The following RPL12 variants were observed in gnomAD, a reference collection of about 807,000 sequenced individuals.
RPL12 encodes ribosomal protein L12.
Under a neutral mutation model 24.5 loss-of-function variants are expected in RPL12, and 10 were observed. The observed-to-expected ratio is 0.41, with a 90% CI of 0.25 to 0.69. The LOEUF (loss-of-function observed/expected upper bound fraction) is 0.69. RPL12 is among the 30% of genes least tolerant of loss of function. The pLI, the probability that RPL12 is intolerant of heterozygous loss-of-function variation, is 0.33. For synonymous variants in RPL12, 74 were observed against 76.1 expected (o/e 0.97, Z 0.14); for missense variants, 137 against 205.3 (o/e 0.67, Z 2.03).
chr9:127,447,748 T>G, intron 6 of RPL12, 22 bp from the exon 7 acceptor site: 1 of 1,612,590 alleles, frequency 6.2e-7, no homozygotes, highest in Non-Finnish European at 8.5e-7. Context: ...AAAAAAAAAA[T>G]CAGTAAAAAG....
rs750379691 is a variant in RPL12, at chr9:127,449,317, T to C, written c.256A>G (p.Lys86Glu). ...SASALIIKAL[K>E]EPPRDRKKQK... is the part of the protein sequence containing the mutation. ...TTCTTTCTGTCTCTTGGTGGTTCCT[T>C]GAGGGCTTTGATGATCAGGGCAGAG... is the stretch of plus-strand genomic sequence containing the variant. The change falls in exon 4 of 7, where the codon AAG becomes GAG. Residue 86 changes from lysine to glutamate, a missense_variant. This residue lies in a region of RPL12 where 118 missense variants were observed against 160.7 expected (regional missense o/e 0.73). Coordinates refer to ENST00000361436, the MANE Select transcript of RPL12 (RefSeq NM_000976.4). 42 of 1,611,852 alleles carry C rather than the reference T, an allele frequency of 2.6e-5. No individual in the cohort carries two copies. Among genetic ancestry groups the C allele is most frequent in the Non-Finnish European group, 3.5e-5 (41 of 1,179,974 alleles).
Position 127,451,380 on chromosome 9 carries a change from G to C in RPL12, c.-63C>G, listed in dbSNP as rs541103481. On this transcript the variant is annotated 5_prime_UTR_variant, in exon 1 of 7. Transcript: ENST00000361436. Reference sequence around the variant, plus strand: ...GACGACCGAAGGAAGTTGCACCTTGGCCTCCTCCGAGCCGAAAGCCGAGAG... The same window carrying C: ...GACGACCGAAGGAAGTTGCACCTTGCCCTCCTCCGAGCCGAAAGCCGAGAG... 6.9e-6 allele frequency: 11 copies of C among 1,602,292 alleles called. No homozygotes were observed. Among genetic ancestry groups the C allele is most frequent in the Admixed American group, 6.8e-5 (4 of 59,232 alleles).
rs986269868 is a variant in RPL12, at chr9:127,448,584, A to G, written c.293-161T>C. ...AGCTGGGGTTTACTATCAGCTCACCACTGGATTGCACCAGCCAACAGAGAC... is the reference window on the plus strand; with the variant it reads ...AGCTGGGGTTTACTATCAGCTCACCGCTGGATTGCACCAGCCAACAGAGAC... On this transcript the variant is annotated intron_variant, in intron 4 of 6. Transcript: ENST00000361436. 1.3e-5 allele frequency: 10 copies of G among 762,994 alleles called. No homozygotes were observed. The African/African-American group carries it at 1.5e-4, about 12-fold the overall frequency. 47.3% of individuals were successfully genotyped at this position (762,994 alleles called of 1,614,324 possible).
In RPL12 at chr9:127,449,325, T is replaced by C. The variant is rs1834227476; in HGVS notation, c.248A>G (p.Lys83Arg). The change falls in exon 4 of 7, where the codon AAA (lysine) becomes AGA (arginine). Residue 83 changes from lysine to arginine, a missense_variant. By Grantham distance (26) the Lys-to-Arg change is conservative. Transcript: ENST00000361436. ...VVPSASALII[K>R]ALKEPPRDRK... The stretch of plus-strand genomic sequence containing the variant: ...GTCTCTTGGTGGTTCCTTGAGGGCT[T>C]TGATGATCAGGGCAGAGGCAGAAGG... The C allele has an allele frequency of 5.0e-6, 8 of 1,611,540 alleles. No individual in the cohort carries two copies. The highest frequency in any genetic ancestry group is 6.8e-6 in the Non-Finnish European group (8 of 1,179,992).
At chr9:127,450,846 C>CG (rs577641977) in intron 1 of RPL12, 42 bp from the exon 2 acceptor site, 35 of 1,395,842 alleles carry the variant, frequency 2.5e-5, no homozygotes, top group South Asian at 6.3e-5. Context: ...GAGGGAGCCC[C>CG]GAGCCACAGC....
intron 3 of RPL12, 105 bp from the exon 4 acceptor site, chr9:127,449,467 G>T: frequency 7.6e-7 from 1 of 1,320,974 alleles, no homozygotes; most frequent in Non-Finnish European, 1.1e-6. Context: ...TTTGCCCTAG[G>T]TCCGTACTCT....
intron 5 of RPL12, 62 bp downstream of exon 5, chr9:127,448,272 GAAT>G: frequency 7.6e-7 from 1 of 1,314,566 alleles, no homozygotes; most frequent in Non-Finnish European, 1.1e-6. Flanking sequence ...CAAGTAAGAA[GAAT>G]GTTATCACTC....
chr9:127,448,777 A>G lies in RPL12; in HGVS notation c.293-354T>C, dbSNP rs1007099651. 2.9e-5 allele frequency: 12 copies of G among 416,096 alleles called. No individual in the cohort carries two copies. In the East Asian group the frequency reaches 3.5e-4, roughly 12 times the overall value. 25.8% of individuals were successfully genotyped at this position (416,096 alleles called of 1,614,324 possible). A position where few individuals can be genotyped will look rare whatever the true frequency, so the allele number is the denominator to read the frequency against. On this transcript the variant is annotated intron_variant, in intron 4 of 6. Transcript: ENST00000361436. ...CTGATTATAGGTCATTATTGCTGAC[A>G]TCTTCCTCCCACATGCACTGATTGG...
rs376397014 is a variant in RPL12 at position 127,449,688 on chromosome 9, A to T, written c.132T>A (p.Asp44Glu). 6.2e-7 allele frequency: 1 copy of T among 1,613,620 alleles called. No homozygotes were observed. The highest frequency in any genetic ancestry group is 8.5e-7 in the Non-Finnish European group (1 of 1,179,932). Residue 44 changes from aspartate to glutamate, a missense_variant, in exon 3 of 7, where the codon GAT becomes GAA. By Grantham distance (45) the Asp-to-Glu change is conservative (BLOSUM62 2). This residue lies in a region of RPL12 where 118 missense variants were observed against 160.7 expected (regional missense o/e 0.73). Coordinates refer to ENST00000361436, the MANE Select transcript of RPL12 (RefSeq NM_000976.4). Reference sequence around the variant, plus strand: ...AGTCACCCGTTGCCTTGGCAATGTCATCACCAACTTTTTTTGGAGACTAGA... The same window carrying T: ...AGTCACCCGTTGCCTTGGCAATGTCTTCACCAACTTTTTTTGGAGACTAGA... ...PLGLSPKKVG[D>E]DIAKATGDWK...
intron 2 of RPL12, chr9:127,450,513 C>A: frequency 1.9e-6 from 1 of 515,252 alleles, no homozygotes; most frequent in Non-Finnish European, 3.4e-6. Context: ...ACTAAAGCAG[C>A]AGTGGAGACA....
chr9:127,449,464 T>C, intron 3 of RPL12, 102 bp from the exon 4 acceptor site: 5 of 1,336,282 alleles, frequency 3.7e-6, no homozygotes, highest in Non-Finnish European at 5.3e-6. Flanking sequence ...GTCTTTGCCC[T>C]AGGTCCGTAC....
rs79093095 is a variant in RPL12, at chr9:127,448,617, G to T, written c.293-194C>A. The T allele has an allele frequency of 6.2e-4, 469 of 755,932 alleles. 2 individuals carry two copies. The African/African-American group carries it at 6.8e-3, about 11-fold the overall frequency. The allele number at this position is 755,932 out of a possible 1,614,324, so 46.8% of individuals were successfully genotyped here. A position where few individuals can be genotyped will look rare whatever the true frequency, so the allele number is the denominator to read the frequency against. On this transcript the variant is annotated intron_variant, in intron 4 of 6. Transcript: ENST00000361436. ...GCACCAGCCAACAGAGACCTGGTCA[G>T]GTGCAGTGGCGGGTGGCTGAGGGCA...
chr9:127,448,464 A>G (rs748097311), intron 4 of RPL12, 41 bp from the exon 5 acceptor site: 1 of 1,293,140 alleles, frequency 7.7e-7, no homozygotes, highest in East Asian at 2.3e-5. Context: ...TAAAGTCTGA[A>G]GCCAAAGCAG....
rs3808833 is a variant in RPL12, at chr9:127,451,369, G to C, written c.-52C>G. ...CCCGGATTCGGGACGACCGAAGGAAGTTGCACCTTGGCCTCCTCCGAGCCG... is the reference window on the plus strand; with the variant it reads ...CCCGGATTCGGGACGACCGAAGGAACTTGCACCTTGGCCTCCTCCGAGCCG... On this transcript the variant is annotated 5_prime_UTR_variant, in exon 1 of 7. Coordinates refer to ENST00000361436, the MANE Select transcript of RPL12 (RefSeq NM_000976.4). 8 of 1,608,942 alleles carry C rather than the reference G, an allele frequency of 5.0e-6. No individual in the cohort carries two copies. Among genetic ancestry groups the C allele is most frequent in the Non-Finnish European group, 6.8e-6 (8 of 1,178,654 alleles).
chr9:127,449,771 C>T, intron 2 of RPL12, 63 bp from the exon 3 acceptor site: 1 of 1,289,982 alleles, frequency 7.8e-7, no homozygotes, highest in Non-Finnish European at 1.1e-6. Flanking sequence ...TGAAACCTGC[C>T]CACCACTTCT....
intron 3 of RPL12, 28 bp from the exon 4 acceptor site, chr9:127,449,390 T>C (rs1394659949): frequency 6.3e-7 from 1 of 1,590,516 alleles, no homozygotes; most frequent in Admixed American, 1.7e-5. Context: ...GAGTGAATAC[T>C]CCACCTCCAG....
At chr9:127,448,255 C>A in intron 5 of RPL12, 82 bp downstream of exon 5, 8 of 1,195,976 alleles carry the variant, frequency 6.7e-6, no homozygotes, top group Non-Finnish European at 1.0e-5. Context: ...TCTCACTGAG[C>A]ACCCTTCAAG....
chr9:127,450,836 G>A (rs1351028824), intron 1 of RPL12, 32 bp from the exon 2 acceptor site: 1 of 1,475,434 alleles, frequency 6.8e-7, no homozygotes, highest in South Asian at 1.2e-5. Flanking sequence ...TGTCTGTGCA[G>A]AGGGAGCCCC....
intron 4 of RPL12, chr9:127,448,638 G>A (rs1275682504): frequency 2.7e-6 from 2 of 746,306 alleles, no homozygotes; most frequent in Admixed American, 3.4e-5. Context: ...GGGTGGCTGA[G>A]GGCAAAACCA....
Sources: gnomAD v4.1 joint callset for allele counts on GRCh38, gnomAD v4.1.1 for gene constraint, gnomAD v4.1.1 regional missense constraint, MANE v1.5 for transcripts, NCBI Gene and HGNC (gene_info 2026-07-23, HGNC 2026-07-21) for gene names.